RECQL5: variants seen among roughly 807,000 people sequenced by gnomAD.
The protein encoded by RECQL5 is RecQ like helicase 5.
RECQL5 carries 88 observed loss-of-function variants against 103.4 expected under a neutral mutation model. The observed-to-expected ratio is 0.85, with a 90% CI of 0.72 to 1.02. The LOEUF (loss-of-function observed/expected upper bound fraction) is 1.02, where lower values mean the gene tolerates loss of function less well. RECQL5 is among the 50% of genes least tolerant of loss of function. The pLI, the probability that RECQL5 is intolerant of heterozygous loss-of-function variation, is 0.00. For synonymous variants in RECQL5, 552 were observed against 507.9 expected (o/e 1.09, Z -1.17); for missense variants, 1,232 against 1,284.3 (o/e 0.96, Z 0.62).
chr17:75,644,595 A>T (rs1432539826), intron 8 of RECQL5, among the ~76,000 whole-genome samples: 1 of 152,192 alleles, frequency 6.6e-6, no homozygotes, highest in East Asian at 1.9e-4. Flanking sequence ...AAAAAAAATA[A>T]AATAAAAATA....
Position 75,628,253 on chromosome 17 carries a change from T to G in RECQL5, c.2770A>C (p.Thr924Pro). The G allele has an allele frequency of 1.2e-6, 2 of 1,613,996 alleles. No individual in the cohort carries two copies. The part of the protein sequence containing the change: ...EAANVVVKCL[T>P]PFYKEGKFAS... ...AACTTGCCCTCCTTGTAGAAAGGGG[T>G]GAGGCACTTGACCACAACATTTGCA... The change falls in exon 18 of 20, where the codon ACC (threonine) becomes CCC (proline). Residue 924 changes from threonine (T) to proline (P), a missense_variant. Coordinates refer to ENST00000317905, the MANE Select transcript of RECQL5 (RefSeq NM_004259.7).
chr17:75,661,273 A>G (rs920107811), intron 5 of RECQL5, among the ~76,000 whole-genome samples: 3 of 152,220 alleles, frequency 2.0e-5, no homozygotes, highest in Non-Finnish European at 4.4e-5. Flanking sequence ...GGCACAGAGC[A>G]TTTGGCAAAG....
intron 2 of RECQL5, 101 bp downstream of exon 2, chr17:75,666,327 C>T (rs1392031932): frequency 7.3e-7 from 1 of 1,366,524 alleles, no homozygotes; most frequent in Non-Finnish European, 1.0e-6. Flanking sequence ...CAGTTATGGA[C>T]CAAAGGTGAG....
chr17:75,629,580 T>TGGGA, intron 15 of RECQL5, 105 bp from the exon 16 acceptor site: 1 of 1,499,936 alleles, frequency 6.7e-7, no homozygotes, highest in Non-Finnish European at 8.9e-7. Flanking sequence ...CTCAGGAGTG[T>TGGGA]GGGAGGGAAG....
At chr17:75,665,281 T>C (rs1416338656) in intron 2 of RECQL5, 109 bp from the exon 3 acceptor site, 12 of 984,636 alleles carry the variant, frequency 1.2e-5, no homozygotes, top group African/African-American at 1.7e-5. Flanking sequence ...GTCTGGCACA[T>C]GGGAGGGTCT....
chr17:75,659,761 A>G (rs549181845), intron 6 of RECQL5, among the ~76,000 whole-genome samples: 29 of 152,364 alleles, frequency 1.9e-4, no homozygotes, highest in African/African-American at 7.0e-4. Context: ...CACGAAGACC[A>G]TGTATGCAAA....
At chr17:75,647,226 A>G in intron 8 of RECQL5, 1 of 641,484 alleles carries the variant, frequency 1.6e-6, no homozygotes. Context: ...CAAAGACTCT[A>G]GCCCTTTCAT....
intron 7 of RECQL5, among the ~76,000 whole-genome samples, chr17:75,656,819 A>G (rs2059627668): frequency 7.0e-6 from 1 of 142,926 alleles, no homozygotes; most frequent in Non-Finnish European, 1.5e-5. Context: ...ATCTCGGCTC[A>G]CTGCAAGCTC....
intron 8 of RECQL5, among the ~76,000 whole-genome samples, chr17:75,635,062 C>T (rs962019632): frequency 6.6e-6 from 1 of 152,204 alleles, no homozygotes; most frequent in East Asian, 1.9e-4. Context: ...CTCAAGCCAG[C>T]GTTAAAGCCA....
intron 8 of RECQL5, chr17:75,649,583 C>T (rs1442891158): frequency 6.2e-6 from 6 of 969,700 alleles, no homozygotes; most frequent in South Asian, 4.8e-5. Context: ...GAGGCTGCTT[C>T]GACCTCAGCC....
chr17:75,649,051 A>G (rs1471531723), intron 8 of RECQL5: 1 of 152,168 alleles, frequency 6.6e-6, no homozygotes, highest in African/African-American at 2.4e-5. Context: ...TGCCTGGCAC[A>G]GAGCTGGCAT....
At position 75,629,399 on chromosome 17, in the gene RECQL5, G is replaced by T; in HGVS notation, c.2024C>A (p.Thr675Lys). 6.6e-7 allele frequency: 1 copy of T among 1,508,318 alleles called. No individual in the cohort carries two copies. Among genetic ancestry groups the T allele is most frequent in the South Asian group, 1.4e-5 (1 of 73,078 alleles). 93.4% of individuals were successfully genotyped at this position (1,508,318 alleles called of 1,614,324 possible). ...PFQTATELME[T>K]TRIREQAPQP... ...GGGGGCTTGCTCCCTGATCCGAGTTGTCTCCATCAGTTCCGTGGCCGTCTG... is the reference window on the plus strand; with the variant it reads ...GGGGGCTTGCTCCCTGATCCGAGTTTTCTCCATCAGTTCCGTGGCCGTCTG... Residue 675 changes from threonine (T) to lysine (K), a missense_variant, in exon 16 of 20, where the codon ACA becomes AAA. Coordinates refer to ENST00000317905, the MANE Select transcript of RECQL5 (RefSeq NM_004259.7).
intron 3 of RECQL5, among the ~76,000 whole-genome samples, chr17:75,663,552 A>G (rs2059726815): frequency 6.6e-6 from 1 of 152,058 alleles, no homozygotes; most frequent in Non-Finnish European, 1.5e-5. Context: ...CAGATTTCAG[A>G]TTTTTGCTTT....
Position 75,640,683 on chromosome 17 carries a change from C to T in RECQL5, c.1230-9015G>A. 1 of 1,486,390 alleles carries T rather than the reference C, an allele frequency of 6.7e-7. No individual in the cohort carries two copies. The highest frequency in any genetic ancestry group is 9.0e-7 in the Non-Finnish European group (1 of 1,114,940). The allele number at this position is 1,486,390 out of a possible 1,614,324, so 92.1% of individuals were successfully genotyped here. On this transcript the variant is annotated intron_variant, in intron 8 of 19. Coordinates refer to ENST00000317905, the MANE Select transcript of RECQL5 (RefSeq NM_004259.7). This position sits in a 1 kb window ranked among gnomAD's most constrained non-coding sequence, Gnocchi z 4.6. ...CCTCTCGGATCTTTCTGACCTCCACCAAACCTGTGGGGGAAAGACCCTGGC... is the reference window on the plus strand; with the variant it reads ...CCTCTCGGATCTTTCTGACCTCCACTAAACCTGTGGGGGAAAGACCCTGGC...
chr17:75,633,472 T>G (rs1159977023), intron 8 of RECQL5: 2 of 1,288,916 alleles, frequency 1.6e-6, no homozygotes, highest in Admixed American at 4.6e-5. Context: ...ACAAGGAACA[T>G]GAGGCGCCTT....
intron 7 of RECQL5, 117 bp from the exon 8 acceptor site, chr17:75,651,382 G>A: frequency 8.5e-7 from 1 of 1,172,424 alleles, no homozygotes; most frequent in Non-Finnish European, 1.2e-6. Context: ...AGCACTTTGG[G>A]AGGCTGAGCC....
Position 75,630,989 on chromosome 17 carries a change from C to T in RECQL5, c.1570G>A (p.Glu524Lys). 6.2e-7 allele frequency: 1 copy of T among 1,613,932 alleles called. No individual in the cohort carries two copies. Among genetic ancestry groups the T allele is most frequent in the East Asian group, 2.2e-5 (1 of 44,870 alleles). ...CTGTACTGACCTGGGGGTACAAATT[C>T]TTCTATCTTGGGGTCTTTGCCCTGG... ...LRKGKDPKIE[E>K]FVPPDENCPL... The change falls in exon 11 of 20, where the codon GAA becomes AAA. Residue 524 changes from glutamate to lysine, a missense_variant. Transcript: ENST00000317905.
intron 8 of RECQL5, among the ~76,000 whole-genome samples, chr17:75,648,665 C>T (rs2059517467): frequency 7.8e-6 from 1 of 128,914 alleles, no homozygotes. Context: ...AGCCACGGCG[C>T]CCGGCCTTTT....
chr17:75,653,212 C>T (rs930137719), intron 7 of RECQL5, among the ~76,000 whole-genome samples: 2 of 152,236 alleles, frequency 1.3e-5, no homozygotes, highest in Admixed American at 1.3e-4. Context: ...TCCAGGCCTT[C>T]CCACCAGGAA....
Sources: gnomAD v4.1 joint callset for allele counts (sites outside exome capture counted in the v4.1 genomes callset) on GRCh38, gnomAD v4.1.1 for gene constraint, Gnocchi (gnomAD v3.1) non-coding constraint, MANE v1.5 for transcripts, NCBI Gene and HGNC (gene_info 2026-07-23, HGNC 2026-07-21) for gene names.